Variants in PIBF1 observed in about 807,000 individuals in gnomAD.
PIBF1 encodes the protein progesterone immunomodulatory binding factor 1.
Under a neutral mutation model 112.5 loss-of-function variants are expected in PIBF1, and 90 were observed. That is an observed-to-expected ratio of 0.80 (90% CI 0.67 to 0.95). The LOEUF (loss-of-function observed/expected upper bound fraction) is 0.95. PIBF1 is among the 40% of genes least tolerant of loss of function. The pLI is 0.00. For missense variants in PIBF1, 915 were observed against 852.3 expected (o/e 1.07, Z -0.92); for synonymous variants, 301 against 288.6 (o/e 1.04, Z -0.44).
chr13:72,978,295 A>G (rs2043074386), intron 16 of PIBF1, among the ~76,000 whole-genome samples: 1 of 152,252 alleles, frequency 6.6e-6, no homozygotes, highest in Non-Finnish European at 1.5e-5. Flanking sequence ...GACATAATCT[A>G]ATCTTTACTA....
intron 11 of PIBF1, among the ~76,000 whole-genome samples, chr13:72,897,477 A>G (rs1487060992): frequency 6.6e-6 from 1 of 152,262 alleles, no homozygotes; most frequent in Non-Finnish European, 1.5e-5. Flanking sequence ...CAGTACTAAC[A>G]TTAGATGTAA....
At chr13:72,808,624 A>G (rs1440805156) in intron 5 of PIBF1, among the ~76,000 whole-genome samples, 2 of 152,130 alleles carry the variant, frequency 1.3e-5, no homozygotes, top group African/African-American at 4.8e-5. Context: ...GGGGCTGCTC[A>G]GAGTCTGTCC....
At chr13:72,856,741 T>G (rs918170519) in intron 10 of PIBF1, among the ~76,000 whole-genome samples, 2 of 152,332 alleles carry the variant, frequency 1.3e-5, no homozygotes, top group Non-Finnish European at 2.9e-5. Flanking sequence ...AGGACTGTAA[T>G]GTTGATAAAT....
At chr13:72,881,950 A>C (rs1293163848) in intron 10 of PIBF1, among the ~76,000 whole-genome samples, 1 of 152,122 alleles carries the variant, frequency 6.6e-6, no homozygotes, top group African/African-American at 2.4e-5. Flanking sequence ...CCTAAAATGT[A>C]TATGGAACCA....
At chr13:72,981,599 A>G (rs1594311911) in intron 16 of PIBF1, among the ~76,000 whole-genome samples, 1 of 152,338 alleles carries the variant, frequency 6.6e-6, no homozygotes, top group East Asian at 1.9e-4. Context: ...GATGTGGTAC[A>G]GTCAGTGTTT....
chr13:72,899,125 C>T (rs1016135652), intron 11 of PIBF1, among the ~76,000 whole-genome samples: 3 of 151,990 alleles, frequency 2.0e-5, no homozygotes, highest in Non-Finnish European at 4.4e-5. Context: ...GAGATTGAAA[C>T]GGTAATTTAA....
chr13:72,791,004 A>G (rs1300525508), intron 2 of PIBF1, among the ~76,000 whole-genome samples: 1 of 151,992 alleles, frequency 6.6e-6, no homozygotes, highest in African/African-American at 2.4e-5. Flanking sequence ...ATTTACTTGC[A>G]TATGTTATGG....
intron 2 of PIBF1, among the ~76,000 whole-genome samples, chr13:72,787,117 G>C (rs1190868939): frequency 1.3e-5 from 2 of 152,038 alleles, no homozygotes; most frequent in Non-Finnish European, 2.9e-5. Flanking sequence ...GTATATATAT[G>C]TTTACTTCTT....
intron 10 of PIBF1, among the ~76,000 whole-genome samples, chr13:72,861,633 C>T (rs940396631): frequency 6.6e-6 from 1 of 152,080 alleles, no homozygotes; most frequent in African/African-American, 2.4e-5. Context: ...GGCATGATCT[C>T]GGCTCACTGC....
chr13:72,884,929 T>C (rs2039786083), intron 10 of PIBF1, among the ~76,000 whole-genome samples: 1 of 152,146 alleles, frequency 6.6e-6, no homozygotes, highest in Admixed American at 6.5e-5. Flanking sequence ...TTAGTTCTTA[T>C]TATGTCTTCT....
In PIBF1 at chr13:73,016,090, C is replaced by A; in HGVS notation, c.*171C>A. The stretch of plus-strand genomic sequence containing the variant: ...GTAATCAAAATGTGTAAAGAACAAT[C>A]AATATACTTTATTTTTTTTTCTATT... On this transcript the variant is annotated 3_prime_UTR_variant, in exon 18 of 18. Transcript: ENST00000326291. 3.4e-6 allele frequency: 1 copy of A among 295,890 alleles called. No homozygotes were observed. Among genetic ancestry groups the A allele is most frequent in the East Asian group, 5.5e-5 (1 of 18,300 alleles). The allele number at this position is 295,890 out of a possible 1,614,324, so 18.3% of individuals were successfully genotyped here.
chr13:72,995,295 C>T lies in PIBF1; in HGVS notation c.2050-3527C>T, dbSNP rs12862801. 8.4e-3 allele frequency among the ~76,000 whole-genome samples: 1,220 copies of T among 145,232 alleles called. 57 individuals are homozygous for T. Among genetic ancestry groups the T allele is most frequent in the East Asian group, 9.3e-3 (47 of 5,068 alleles). ...CAACCTGGGCGACAGAATGAGACTC[C>T]GTCTCAAAAAAAAAAAAAAAAAGTT... is the stretch of plus-strand genomic sequence containing the variant. On this transcript the variant is annotated intron_variant, in intron 16 of 17. Coordinates refer to ENST00000326291, the MANE Select transcript of PIBF1 (RefSeq NM_006346.4).
intron 10 of PIBF1, among the ~76,000 whole-genome samples, chr13:72,893,319 A>G (rs1383876611): frequency 3.3e-5 from 5 of 152,114 alleles, no homozygotes; most frequent in African/African-American, 7.2e-5. Flanking sequence ...ATATATGTAT[A>G]TGTACTAAGT....
chr13:72,975,615 G>A (rs186905244), intron 16 of PIBF1, among the ~76,000 whole-genome samples: 86 of 152,274 alleles, frequency 5.6e-4, no homozygotes, highest in Admixed American at 2.4e-3. Flanking sequence ...AAAAGGATGA[G>A]AAAGTGTCCC....
intron 9 of PIBF1, among the ~76,000 whole-genome samples, chr13:72,842,213 A>T (rs562078685): frequency 6.6e-6 from 1 of 152,338 alleles, no homozygotes; most frequent in East Asian, 1.9e-4. Flanking sequence ...AAGTTTTTCC[A>T]TAAAGTAAAA....
At chr13:72,783,219 TAA>T in intron 1 of PIBF1, among the ~76,000 whole-genome samples, 1 of 152,200 alleles carries the variant, frequency 6.6e-6, no homozygotes, top group East Asian at 1.9e-4. Flanking sequence ...ACTGTTTTTT[TAA>T]GTTTCTCGAA....
chr13:72,986,848 G>T (rs1357077417), intron 16 of PIBF1, among the ~76,000 whole-genome samples: 1 of 151,946 alleles, frequency 6.6e-6, no homozygotes, highest in Admixed American at 6.6e-5. Context: ...CCGCCACCGC[G>T]CCCGGCTAAT....
chr13:72,860,288 T>G (rs542260408), intron 10 of PIBF1, among the ~76,000 whole-genome samples: 1 of 148,094 alleles, frequency 6.8e-6, no homozygotes, highest in South Asian at 2.2e-4. Context: ...TGTAGTTCGC[T>G]TTCCCTGTGT....
At chr13:72,969,722 A>T (rs2138928427) in intron 15 of PIBF1, 1 of 152,354 alleles carries the variant, frequency 6.6e-6, no homozygotes, top group Non-Finnish European at 1.5e-5. Context: ...CCTGGGCTTT[A>T]AATACACATC....
Sources: gnomAD v4.1 joint callset for allele counts (sites outside exome capture counted in the v4.1 genomes callset) on GRCh38, gnomAD v4.1.1 for gene constraint, MANE v1.5 for transcripts, NCBI Gene and HGNC (gene_info 2026-07-23, HGNC 2026-07-21) for gene names.